The following RALGAPA1 variants were observed in gnomAD, a reference collection of about 807,000 sequenced individuals.
The protein encoded by RALGAPA1 is Ral GTPase activating protein catalytic subunit alpha 1.
Under a neutral mutation model 269.6 loss-of-function variants are expected in RALGAPA1, and 52 were observed. The observed-to-expected ratio is 0.19, with a 90% CI of 0.15 to 0.24. The LOEUF is 0.24. Among genes scored for constraint, RALGAPA1 ranks in the 10% least tolerant of loss-of-function variants. The pLI is 1.00. For missense variants in RALGAPA1, 1,917 were observed against 3,013.9 expected (o/e 0.64, Z 8.52); for synonymous variants, 817 against 1,008.3 (o/e 0.81, Z 3.60).
intron 12 of RALGAPA1, among the ~76,000 whole-genome samples, chr14:35,734,000 A>T (rs1345646175): frequency 6.6e-6 from 1 of 152,192 alleles, no homozygotes; most frequent in Non-Finnish European, 1.5e-5. Flanking sequence ...CTAACCAAGG[A>T]GGCGAAAGAC....
chr14:35,645,396 T>TGTGTGTGTGTGTGTGTGTGTG (rs1298109818), intron 31 of RALGAPA1, among the ~76,000 whole-genome samples: 3 of 149,780 alleles, frequency 2.0e-5, no homozygotes, highest in African/African-American at 7.4e-5. Flanking sequence ...TGTGTATATG[T>TGTGTGTGTGTGTGTGTGTGTG]TATGTATTTC....
intron 33 of RALGAPA1, among the ~76,000 whole-genome samples, chr14:35,629,900 T>C (rs2061245232): frequency 6.6e-6 from 1 of 152,180 alleles, no homozygotes; most frequent in Non-Finnish European, 1.5e-5. Flanking sequence ...ACCACCAACA[T>C]AATCAATATA....
At position 35,548,666 on chromosome 14, in the gene RALGAPA1, C is replaced by T. The variant is rs2054680864; in HGVS notation, c.7622-128G>A. On this transcript the variant is annotated intron_variant, in intron 40 of 41. Transcript: ENST00000680220. ...TCATAAAATGCAGTACCCTCTTACACTCTTTAATTATTGTAACATAAATTA... is the reference window on the plus strand; with the variant it reads ...TCATAAAATGCAGTACCCTCTTACATTCTTTAATTATTGTAACATAAATTA... The T allele has an allele frequency of 1.0e-5, 6 of 584,374 alleles. 1 individual carries two copies. In the South Asian group the frequency reaches 1.1e-4, roughly 11 times the overall value. The allele number at this position is 584,374 out of a possible 1,614,324, so 36.2% of individuals were successfully genotyped here.
intron 10 of RALGAPA1, among the ~76,000 whole-genome samples, chr14:35,744,240 G>A (rs1030242525): frequency 2.7e-4 from 41 of 151,864 alleles, no homozygotes; most frequent in African/African-American, 9.4e-4. Context: ...GTGTGGTGGC[G>A]CATGCCTGTA....
intron 41 of RALGAPA1, among the ~76,000 whole-genome samples, chr14:35,545,443 T>C (rs1272006869): frequency 2.0e-5 from 3 of 152,068 alleles, no homozygotes; most frequent in Non-Finnish European, 4.4e-5. Context: ...TTTGGTATCA[T>C]AAAAATTATA....
At chr14:35,723,456 A>T (rs1457883709) in intron 14 of RALGAPA1, 192 bp from the exon 15 acceptor site, 6 of 436,798 alleles carry the variant, frequency 1.4e-5, no homozygotes, top group African/African-American at 4.0e-5. Flanking sequence ...TCATTTCAAC[A>T]ACTGCCAACT....
chr14:35,579,867 C>T (rs1249585018), intron 37 of RALGAPA1, among the ~76,000 whole-genome samples: 6 of 151,952 alleles, frequency 3.9e-5, no homozygotes, highest in African/African-American at 9.7e-5. Flanking sequence ...CCTAACTTCA[C>T]TTTTACTAAA....
intron 7 of RALGAPA1, among the ~76,000 whole-genome samples, chr14:35,753,888 C>T (rs974787272): frequency 1.3e-5 from 2 of 152,058 alleles, no homozygotes; most frequent in South Asian, 2.1e-4. Context: ...TGGTAACCCG[C>T]GTAATTACAA....
intron 21 of RALGAPA1, among the ~76,000 whole-genome samples, chr14:35,682,584 G>A (rs2065547684): frequency 1.3e-5 from 2 of 152,158 alleles, no homozygotes; most frequent in Admixed American, 6.5e-5. Flanking sequence ...GGGATTACAG[G>A]TGTGAGCCAC....
chr14:35,624,156 C>CAAAAAAAAAAAAAAAAAAAA (rs377171729), intron 35 of RALGAPA1, among the ~76,000 whole-genome samples: 10 of 21,834 alleles, frequency 4.6e-4, no homozygotes, highest in East Asian at 3.3e-3. Flanking sequence ...TAATACAACG[C>CAAAAAAAAAAAAAAAAAAAA]AAAAAAAAAA....
intron 18 of RALGAPA1, among the ~76,000 whole-genome samples, chr14:35,687,975 T>C (rs1370127833): frequency 6.6e-6 from 1 of 152,192 alleles, no homozygotes; most frequent in African/African-American, 2.4e-5. Context: ...CCTTGATTTC[T>C]ATTATGTTAG....
At chr14:35,694,647 C>CGGAGT (rs2066757999) in intron 17 of RALGAPA1, among the ~76,000 whole-genome samples, 1 of 151,176 alleles carries the variant, frequency 6.6e-6, no homozygotes, top group African/African-American at 2.5e-5. Flanking sequence ...ATATTGTTTT[C>CGGAGT]CTGATTTTAA....
intron 35 of RALGAPA1, among the ~76,000 whole-genome samples, chr14:35,618,761 G>C (rs577876198): frequency 2.0e-5 from 3 of 152,064 alleles, no homozygotes; most frequent in Non-Finnish European, 4.4e-5. Context: ...TGTAAACAAA[G>C]TAAATATTAA....
chr14:35,649,881 G>A (rs980881173), intron 31 of RALGAPA1, among the ~76,000 whole-genome samples: 1 of 152,054 alleles, frequency 6.6e-6, no homozygotes, highest in African/African-American at 2.4e-5. Flanking sequence ...CATATTTTAT[G>A]ATAAATAAAT....
At chr14:35,559,995 G>A (rs1373947416) in intron 39 of RALGAPA1, among the ~76,000 whole-genome samples, 1 of 152,106 alleles carries the variant, frequency 6.6e-6, no homozygotes, top group Non-Finnish European at 1.5e-5. Context: ...GTCTCATTGA[G>A]AAAATGCAAT....
intron 10 of RALGAPA1, among the ~76,000 whole-genome samples, chr14:35,747,747 T>A (rs1293451648): frequency 6.6e-6 from 1 of 152,216 alleles, no homozygotes; most frequent in Non-Finnish European, 1.5e-5. Context: ...CAATGTTGTT[T>A]ACCTGTAAAA....
At chr14:35,644,145 C>T (rs922378916) in intron 31 of RALGAPA1, among the ~76,000 whole-genome samples, 2 of 152,086 alleles carry the variant, frequency 1.3e-5, no homozygotes. Context: ...ATATCCCATG[C>T]ACTCCATAAA....
intron 41 of RALGAPA1, chr14:35,541,819 A>G (rs190193062): frequency 2.2e-6 from 1 of 457,652 alleles, no homozygotes; most frequent in Admixed American, 2.3e-5. Context: ...GTTGTGAATG[A>G]AGAAATGGAG....
chr14:35,721,159 C>T (rs1412146920), intron 16 of RALGAPA1, among the ~76,000 whole-genome samples: 2 of 152,166 alleles, frequency 1.3e-5, no homozygotes, highest in Non-Finnish European at 2.9e-5. Flanking sequence ...TCCTTTGCTG[C>T]TATTTCCCAG....
Sources: allele counts gnomAD v4.1 joint callset (sites outside exome capture counted in the v4.1 genomes callset), GRCh38; gene constraint gnomAD v4.1.1; transcripts MANE v1.5; gene names NCBI Gene and HGNC (gene_info 2026-07-23, HGNC 2026-07-21).